Variants in DCC observed in about 807,000 individuals in gnomAD.
DCC encodes the protein netrin receptor DCC.
Under a neutral mutation model 172.5 loss-of-function variants are expected in DCC, and 58 were observed. That is an observed-to-expected ratio of 0.34 (90% CI 0.27 to 0.42). The LOEUF (loss-of-function observed/expected upper bound fraction) is 0.42, where lower values mean the gene tolerates loss of function less well. Ranked by LOEUF, DCC falls within the 10% of genes least tolerant of loss-of-function variation. The pLI, the probability that DCC is intolerant of heterozygous loss-of-function variation, is 1.00. For synonymous variants in DCC, 709 were observed against 644.5 expected, an observed-to-expected ratio of 1.10 and a Z score of -1.52; for missense variants, 1,740 against 1,791.0, an observed-to-expected ratio of 0.97 and a Z score of 0.51.
intron 21 of DCC, chr18:53,416,588 C>T (rs1027671111): frequency 3.4e-5 from 7 of 208,876 alleles, no homozygotes; most frequent in African/African-American, 1.6e-4. Flanking sequence ...CAATGAGCTT[C>T]TTTTAATATA....
At chr18:52,393,667 C>T (rs1986113005) in intron 1 of DCC, among the ~76,000 whole-genome samples, 1 of 152,000 alleles carries the variant, frequency 6.6e-6, no homozygotes, top group Non-Finnish European at 1.5e-5. Flanking sequence ...AATGTTTTGA[C>T]AAACTTCAGG....
chr18:52,687,549 T>C (rs1217487552), intron 1 of DCC, among the ~76,000 whole-genome samples: 1 of 152,146 alleles, frequency 6.6e-6, no homozygotes, highest in Non-Finnish European at 1.5e-5. Flanking sequence ...CCTCCCAAAG[T>C]GCTCCCAAAG....
At chr18:52,674,659 T>C (rs1301871589) in intron 1 of DCC, among the ~76,000 whole-genome samples, 2 of 152,190 alleles carry the variant, frequency 1.3e-5, no homozygotes, top group Non-Finnish European at 2.9e-5. Flanking sequence ...AATCTATACA[T>C]TGGCACAGCG....
intron 27 of DCC, among the ~76,000 whole-genome samples, chr18:53,501,559 A>C (rs2046098814): frequency 6.7e-6 from 1 of 150,254 alleles, no homozygotes; most frequent in Non-Finnish European, 1.5e-5. Flanking sequence ...TTTAATGAGG[A>C]AAGGTAAGAA....
chr18:53,259,106 C>G (rs1042768643), intron 12 of DCC, among the ~76,000 whole-genome samples: 1 of 152,068 alleles, frequency 6.6e-6, no homozygotes, highest in African/African-American at 2.4e-5. Flanking sequence ...GTGTGTGTCT[C>G]TGCACATGAG....
chr18:52,529,196 G>C (rs1568214172), intron 1 of DCC, among the ~76,000 whole-genome samples: 1 of 152,176 alleles, frequency 6.6e-6, no homozygotes, highest in Non-Finnish European at 1.5e-5. Flanking sequence ...AAATTAATTG[G>C]TCATCGTGAT....
rs566367793 is a variant in DCC at position 52,760,517 on chromosome 18, A to G, written c.412+8143A>G. Among the ~76,000 whole-genome samples the G allele has an allele frequency of 4.8e-4, 73 of 152,332 alleles. 1 individual carries two copies. In the South Asian group the frequency reaches 9.3e-3, roughly 19 times the overall value. ...ACATAGAAAGGTGGGAGATAGTCAG[A>G]GCGTGACCTCCAAACCACCACATTT... On this transcript the variant is annotated intron_variant, in intron 2 of 28. Transcript: ENST00000442544.
chr18:53,526,650 C>T lies in DCC; in HGVS notation c.4145C>T (p.Ala1382Val), dbSNP rs1448006443. The change falls in exon 28 of 29, where the codon GCC becomes GTC. Residue 1382 changes from alanine to valine, a missense_variant. Around this residue, in one of 2 missense-constraint regions of DCC, gnomAD observed 1,732 missense variants for 1,767.4 expected, o/e 0.98. Transcript: ENST00000442544. ...CTTCCTAAGACCCATGTGAAAACAG[C>T]CTCCCTTGGGTTGGCTGGAAAAGCA... is the stretch of plus-strand genomic sequence containing the variant. ...PTLPKTHVKTASLGLAGKARS... is the reference protein window; with the variant it reads ...PTLPKTHVKTVSLGLAGKARS... 1.2e-6 allele frequency: 2 copies of T among 1,613,470 alleles called. No individual in the cohort carries two copies. The highest frequency in any genetic ancestry group is 4.5e-5 in the East Asian group (2 of 44,842).
At chr18:53,507,359 C>CCAT (rs1190379808) in intron 27 of DCC, among the ~76,000 whole-genome samples, 1 of 152,152 alleles carries the variant, frequency 6.6e-6, no homozygotes, top group Non-Finnish European at 1.5e-5. Flanking sequence ...AACAGTTTAA[C>CCAT]CATCAGCAAC....
At chr18:53,518,736 G>A (rs1568183426) in intron 27 of DCC, among the ~76,000 whole-genome samples, 2 of 152,142 alleles carry the variant, frequency 1.3e-5, no homozygotes, top group South Asian at 2.1e-4. Flanking sequence ...AACAGCCAGC[G>A]TTCCACCAAA....
chr18:52,756,634 T>C (rs961942732), intron 2 of DCC, among the ~76,000 whole-genome samples: 1 of 152,232 alleles, frequency 6.6e-6, no homozygotes, highest in Non-Finnish European at 1.5e-5. Context: ...GGAAAAAGCA[T>C]GAGCATTTCT....
chr18:52,715,621 T>C (rs555129345), intron 1 of DCC, among the ~76,000 whole-genome samples: 1 of 152,268 alleles, frequency 6.6e-6, no homozygotes, highest in East Asian at 1.9e-4. Flanking sequence ...ACATTTTTTC[T>C]GAGGCTGACT....
At chr18:52,423,248 C>A (rs776326312) in intron 1 of DCC, among the ~76,000 whole-genome samples, 7 of 152,132 alleles carry the variant, frequency 4.6e-5, no homozygotes, top group Non-Finnish European at 8.8e-5. Flanking sequence ...AGGGCACTAT[C>A]GGCTGTATAC....
chr18:52,352,209 A>T (rs540268325), intron 1 of DCC, among the ~76,000 whole-genome samples: 2 of 152,198 alleles, frequency 1.3e-5, no homozygotes, highest in Non-Finnish European at 2.9e-5. Context: ...AATGCTAGCT[A>T]TTGTTAGTAT....
intron 22 of DCC, among the ~76,000 whole-genome samples, chr18:53,436,632 G>A (rs1351140181): frequency 6.6e-6 from 1 of 152,204 alleles, no homozygotes; most frequent in Admixed American, 6.5e-5. Flanking sequence ...GGTAGACTTA[G>A]AAATATATTT....
intron 3 of DCC, among the ~76,000 whole-genome samples, chr18:52,912,077 A>T (rs1044384848): frequency 2.6e-5 from 4 of 151,874 alleles, no homozygotes; most frequent in Non-Finnish European, 5.9e-5. Flanking sequence ...AAAAGTTCCC[A>T]ACTTGAACTG....
At chr18:52,733,613 GC>G (rs2036679984) in intron 1 of DCC, among the ~76,000 whole-genome samples, 1 of 152,052 alleles carries the variant, frequency 6.6e-6, no homozygotes, top group South Asian at 2.1e-4. Context: ...TCTCACCTCA[GC>G]CTCCCAAGTA....
At chr18:53,375,677 A>G (rs1222672207) in intron 15 of DCC, among the ~76,000 whole-genome samples, 1 of 121,860 alleles carries the variant, frequency 8.2e-6, no homozygotes, top group African/African-American at 3.3e-5. Context: ...GTGTTTGGTT[A>G]TAAGGTCTCT....
At chr18:52,440,092 C>T (rs1300643207) in intron 1 of DCC, among the ~76,000 whole-genome samples, 1 of 152,144 alleles carries the variant, frequency 6.6e-6, no homozygotes, top group Non-Finnish European at 1.5e-5. Flanking sequence ...GAATAAGAAC[C>T]AGAGTTTGCT....
Sources: gnomAD v4.1 joint callset for allele counts (sites outside exome capture counted in the v4.1 genomes callset) on GRCh38, gnomAD v4.1.1 for gene constraint, gnomAD v4.1.1 regional missense constraint, MANE v1.5 for transcripts, NCBI Gene and HGNC (gene_info 2026-07-23, HGNC 2026-07-21) for gene names.